OXTR: variants seen among roughly 807,000 people sequenced by gnomAD.
OXTR encodes oxytocin receptor.
OXTR carries 19 observed loss-of-function variants against 23.9 expected under a neutral mutation model. That is an observed-to-expected ratio of 0.80 (90% CI 0.56 to 1.17). OXTR has a LOEUF of 1.17. Ranked by LOEUF, OXTR falls within the 50% of genes most tolerant of loss-of-function variation. The pLI is 0.00. For missense variants in OXTR, 500 were observed against 550.7 expected, an observed-to-expected ratio of 0.91 and a Z score of 0.92; for synonymous variants, 278 against 250.5, an observed-to-expected ratio of 1.11 and a Z score of -1.04.
chr3:8,766,706 C>T (rs1169880885), intron 3 of OXTR, among the ~76,000 whole-genome samples: 1 of 148,812 alleles, frequency 6.7e-6, no homozygotes. Flanking sequence ...CCCCCCAACA[C>T]CCCCTTCAAC....
chr3:8,752,880 G>T lies in OXTR; in HGVS notation c.*97C>A. 7.6e-7 allele frequency: 1 copy of T among 1,316,870 alleles called. No homozygotes were observed. The highest frequency in any genetic ancestry group is 1.0e-6 in the Non-Finnish European group (1 of 981,422). 81.6% of individuals were successfully genotyped at this position (1,316,870 alleles called of 1,614,324 possible). A position where few individuals can be genotyped will look rare whatever the true frequency, so the allele number is the denominator to read the frequency against. On this transcript the variant is annotated 3_prime_UTR_variant, in exon 4 of 4. Coordinates refer to ENST00000316793, the MANE Select transcript of OXTR (RefSeq NM_000916.4). ...GGAGGGGAGGGATACAAACTGATAGGTACCTTATACACAAACATACGCCAT... is the reference window on the plus strand; with the variant it reads ...GGAGGGGAGGGATACAAACTGATAGTTACCTTATACACAAACATACGCCAT...
rs1423616815 is a variant in OXTR, at chr3:8,768,983, A to G, written c.-239+248T>C. Among the ~76,000 whole-genome samples the G allele has an allele frequency of 6.6e-6, 1 of 152,196 alleles. No homozygotes were observed. Among genetic ancestry groups the G allele is most frequent in the Non-Finnish European group, 1.5e-5 (1 of 68,024 alleles). On this transcript the variant is annotated intron_variant, in intron 1 of 3. Transcript: ENST00000316793. The surrounding 1 kb of genome is among the most constrained non-coding windows in gnomAD (Gnocchi z 5.4). ...AAGCGCTGTTCCCAGACCCTGGCAT[A>G]GACACCTCCCGCGGGGCTCCTCCCC... is the stretch of plus-strand genomic sequence containing the variant.
Position 8,768,385 on chromosome 3 carries a change from G to T in OXTR, c.-142-56C>A. 1 of 870,426 alleles carries T rather than the reference G, an allele frequency of 1.1e-6. No homozygotes were observed. Among genetic ancestry groups the T allele is most frequent in the Non-Finnish European group, 1.5e-6 (1 of 666,822 alleles). The allele number at this position is 870,426 out of a possible 1,614,324, so 53.9% of individuals were successfully genotyped here. Reference sequence around the variant, plus strand: ...CCGCCGCGTTTCTCTTCCGACGCGGGTAGGGCGTGCTTGTCCCATTCCCAG... The same window carrying T: ...CCGCCGCGTTTCTCTTCCGACGCGGTTAGGGCGTGCTTGTCCCATTCCCAG... On this transcript the variant is annotated intron_variant, in intron 2 of 3. Coordinates refer to ENST00000316793, the MANE Select transcript of OXTR (RefSeq NM_000916.4). The surrounding 1 kb of genome is among the most constrained non-coding windows in gnomAD (Gnocchi z 5.4).
chr3:8,751,080 T>C lies in OXTR; in HGVS notation c.*1897A>G, dbSNP rs1019486646. ...CTTTTTATTGTAGCCATCCTAGTGA[T>C]TGTAAACTGGAATCTCATTGTGATT... On this transcript the variant is annotated 3_prime_UTR_variant, in exon 4 of 4. Transcript: ENST00000316793. The C allele has an allele frequency of 3.3e-5, 5 of 152,214 alleles. No individual in the cohort carries two copies. Among genetic ancestry groups the C allele is most frequent in the African/African-American group, 9.6e-5 (4 of 41,454 alleles). The allele number at this position is 152,214 out of a possible 1,614,324, so 9.4% of individuals were successfully genotyped here. A position where few individuals can be genotyped will look rare whatever the true frequency, so the allele number is the denominator to read the frequency against.
chr3:8,755,588 G>A (rs147229047), intron 3 of OXTR, among the ~76,000 whole-genome samples: 5,517 of 152,304 alleles, frequency 0.036, 153 homozygotes, highest in Non-Finnish European at 0.052. Flanking sequence ...CAAGAGGCTG[G>A]TCTGGGTGGG....
rs1035454125 is a variant in OXTR, at chr3:8,768,994, G to A, written c.-239+237C>T. 1.3e-5 allele frequency among the ~76,000 whole-genome samples: 2 copies of A among 152,138 alleles called. No homozygotes were observed. The highest frequency in any genetic ancestry group is 1.5e-5 in the Non-Finnish European group (1 of 68,012). ...CCAGACCCTGGCATAGACACCTCCCGCGGGGCTCCTCCCCAGCCCGGCAGC... is the reference window on the plus strand; with the variant it reads ...CCAGACCCTGGCATAGACACCTCCCACGGGGCTCCTCCCCAGCCCGGCAGC... On this transcript the variant is annotated intron_variant, in intron 1 of 3. Coordinates refer to ENST00000316793, the MANE Select transcript of OXTR (RefSeq NM_000916.4). The surrounding 1 kb of genome is among the most constrained non-coding windows in gnomAD (Gnocchi z 5.4).
At chr3:8,746,097 C>A, downstream of OXTR, 1 of 509,968 alleles carries the variant, frequency 2.0e-6, no homozygotes, top group East Asian at 3.1e-5. Flanking sequence ...CATGCCTGGG[C>A]GTGGGGGAAG....
Position 8,763,387 on chromosome 3 carries a change from C to A in OXTR, c.922+3879G>T, listed in dbSNP as rs566859439. The stretch of plus-strand genomic sequence containing the variant: ...ACTGGCTTAAGGACACTGGACTGGG[C>A]GTTTTACCAGGGAGAGGCTGGAAGG... On this transcript the variant is annotated intron_variant, in intron 3 of 3. Transcript: ENST00000316793. 3.3e-5 allele frequency among the ~76,000 whole-genome samples: 5 copies of A among 152,250 alleles called. No homozygotes were observed. The South Asian group carries it at 8.3e-4, about 25-fold the overall frequency.
At chr3:8,753,346 G>T in intron 3 of OXTR, 122 bp from the exon 4 acceptor site, 1 of 1,170,904 alleles carries the variant, frequency 8.5e-7, no homozygotes, top group Non-Finnish European at 1.2e-6. Context: ...ACTACATCCT[G>T]AATCACAAGA....
In OXTR at chr3:8,767,740, G is replaced by GGCGCAGCGA. The variant is rs1483343289; in HGVS notation, c.439_447dup (p.Ser147_Arg149dup). The GGCGCAGCGA allele has an allele frequency of 1.2e-6, 2 of 1,609,316 alleles. No individual in the cohort carries two copies. Among genetic ancestry groups the GGCGCAGCGA allele is most frequent in the Non-Finnish European group, 8.5e-7 (1 of 1,178,124 alleles). On this transcript the variant is annotated inframe_insertion, in exon 3 of 4. Coordinates refer to ENST00000316793, the MANE Select transcript of OXTR (RefSeq NM_000916.4). ...AGCACTGCCAGGCGGTCGGTGCGGCGGCGCAGCGAGCGCAGCGGCTGGCAG... is the reference window on the plus strand; with the variant it reads ...AGCACTGCCAGGCGGTCGGTGCGGCGGCGCAGCGAGCGCAGCGAGCGCAGCGGCTGGCAG...
At chr3:8,748,955 T>C (rs974455350), downstream of OXTR, among the ~76,000 whole-genome samples, 3 of 152,108 alleles carry the variant, frequency 2.0e-5, no homozygotes, top group Non-Finnish European at 4.4e-5. Context: ...ATCAGAGCCA[T>C]GATACATTGC....
downstream of OXTR, among the ~76,000 whole-genome samples, chr3:8,747,208 A>T (rs1708187641): frequency 6.6e-6 from 1 of 152,086 alleles, no homozygotes; most frequent in Non-Finnish European, 1.5e-5. Context: ...ACAGCTTGGG[A>T]ACTAGGACGC....
At chr3:8,744,096 C>A in the OXTR span, among the ~76,000 whole-genome samples, 12 of 152,034 alleles carry the variant, frequency 7.9e-5, no homozygotes, top group African/African-American at 2.9e-4. Context: ...CCTGCATCCA[C>A]CCCCTTTTAA....
At chr3:8,764,778 C>T (rs1708568310) in intron 3 of OXTR, among the ~76,000 whole-genome samples, 1 of 152,194 alleles carries the variant, frequency 6.6e-6, no homozygotes, top group African/African-American at 2.4e-5. Context: ...GGCTCCTGCT[C>T]CTGGCTGTGT....
intron 3 of OXTR, among the ~76,000 whole-genome samples, chr3:8,763,535 A>G (rs1466588970): frequency 6.6e-6 from 1 of 152,182 alleles, no homozygotes; most frequent in African/African-American, 2.4e-5. Flanking sequence ...CCTCCCTCAG[A>G]ACTGCCCCAG....
intron 3 of OXTR, among the ~76,000 whole-genome samples, chr3:8,766,431 C>T (rs1708607985): frequency 6.6e-6 from 1 of 152,220 alleles, no homozygotes; most frequent in Admixed American, 6.5e-5. Context: ...GCCCCACCTT[C>T]AGCCTTGTCC....
chr3:8,746,031 C>T (rs566447811), downstream of OXTR: 11 of 611,678 alleles, frequency 1.8e-5, no homozygotes, highest in Non-Finnish European at 2.9e-5. Context: ...AAAAGACGGC[C>T]CAGCCACAGA....
intron 3 of OXTR, among the ~76,000 whole-genome samples, chr3:8,761,560 C>T (rs968580105): frequency 1.4e-4 from 22 of 152,246 alleles, no homozygotes; most frequent in Non-Finnish European, 2.8e-4. Context: ...TGGCTGGGTT[C>T]CAATCCCAGC....
intron 3 of OXTR, among the ~76,000 whole-genome samples, chr3:8,761,692 G>T (rs1708491278): frequency 6.6e-6 from 1 of 152,184 alleles, no homozygotes; most frequent in Admixed American, 6.5e-5. Context: ...AGCAGAAATG[G>T]CCTGGGCACA....
Sources: gnomAD v4.1 joint callset for allele counts (sites outside exome capture counted in the v4.1 genomes callset) on GRCh38, gnomAD v4.1.1 for gene constraint, Gnocchi (gnomAD v3.1) non-coding constraint, MANE v1.5 for transcripts, NCBI Gene and HGNC (gene_info 2026-07-23, HGNC 2026-07-21) for gene names.